The following DNHD1 variants were observed in gnomAD, a reference collection of about 807,000 sequenced individuals.
The protein encoded by DNHD1 is dynein heavy chain domain-containing protein 1.
In DNHD1, 383 loss-of-function variants were observed where a neutral mutation model predicts 458.1. The observed-to-expected ratio is 0.84, with a 90% CI of 0.77 to 0.91. The LOEUF is 0.91. DNHD1 is among the 40% of genes least tolerant of loss of function. The probability of loss-of-function intolerance (pLI) is 0.00; values close to 1 mark genes in which losing one functional copy is unlikely to be tolerated. For missense variants in DNHD1, 5,336 were observed against 5,866.1 expected, an observed-to-expected ratio of 0.91 and a Z score of 2.95; for synonymous variants, 2,203 against 2,376.9, an observed-to-expected ratio of 0.93 and a Z score of 2.13.
intron 10 of DNHD1, among the ~76,000 whole-genome samples, chr11:6,521,884 T>C (rs991868776): frequency 6.6e-6 from 1 of 152,128 alleles, no homozygotes; most frequent in Non-Finnish European, 1.5e-5. Context: ...GCCTGGCTAA[T>C]TTTTAAATTT....
chr11:6,567,485 G>A lies in DNHD1; in HGVS notation c.11976G>A (p.Met3992Ile), dbSNP rs909379888. 1 of 1,613,364 alleles carries A rather than the reference G, an allele frequency of 6.2e-7. No individual in the cohort carries two copies. The highest frequency in any genetic ancestry group is 8.5e-7 in the Non-Finnish European group (1 of 1,179,680). ...CAAAAGCCTGGCATGAATGTGAGAT[G>A]TTAGAGCTGCTGCCCCCATTTGTTG... ...LGPKAWHECE[M>I]LELLPPFVGL... The change falls in exon 36 of 43, where the codon ATG (methionine) becomes ATA (isoleucine). Residue 3992 changes from methionine to isoleucine, a missense_variant. By Grantham distance (10) the Met-to-Ile change is conservative. This residue lies in a region of DNHD1 where 695 missense variants were observed against 804.2 expected (regional missense o/e 0.86). Coordinates refer to ENST00000254579, the MANE Select transcript of DNHD1 (RefSeq NM_144666.3).
At position 6,567,511 on chromosome 11, in the gene DNHD1, G is replaced by T. The variant is rs759679075; in HGVS notation, c.12002G>T (p.Gly4001Val). 9 of 1,613,520 alleles carry T rather than the reference G, an allele frequency of 5.6e-6. No individual in the cohort carries two copies. In the South Asian group the frequency reaches 9.9e-5, roughly 18 times the overall value. The change falls in exon 36 of 43, where the codon GGC becomes GTC. Residue 4001 changes from glycine to valine, a missense_variant. Around this residue, in one of 4 missense-constraint regions of DNHD1, gnomAD observed 695 missense variants for 804.2 expected, o/e 0.86. Coordinates refer to ENST00000254579, the MANE Select transcript of DNHD1 (RefSeq NM_144666.3). Reference protein sequence around the residue: ...EMLELLPPFVGLCASLAGHSS... With the variant: ...EMLELLPPFVVLCASLAGHSS... ...TTAGAGCTGCTGCCCCCATTTGTTGGCCTGTGTGCCTCCCTGGCAGGCCAC... is the reference window on the plus strand; with the variant it reads ...TTAGAGCTGCTGCCCCCATTTGTTGTCCTGTGTGCCTCCCTGGCAGGCCAC...
In DNHD1 at chr11:6,523,329, A is replaced by G. The variant is rs145526265; in HGVS notation, c.1837+3040A>G. 8.8e-3 allele frequency among the ~76,000 whole-genome samples: 1,340 copies of G among 152,310 alleles called. 18 individuals are homozygous for G. The highest frequency in any genetic ancestry group is 0.03 in the African/African-American group (1,261 of 41,558). On this transcript the variant is annotated intron_variant, in intron 10 of 42. Coordinates refer to ENST00000254579, the MANE Select transcript of DNHD1 (RefSeq NM_144666.3). ...CTTTGGAGTATGAGGTATGAGCAGTAGGACTAGGAAGAGGAAGTATAGAGG... is the reference window on the plus strand; with the variant it reads ...CTTTGGAGTATGAGGTATGAGCAGTGGGACTAGGAAGAGGAAGTATAGAGG...
chr11:6,518,698 A>G (rs536000674), intron 7 of DNHD1, among the ~76,000 whole-genome samples: 5 of 152,332 alleles, frequency 3.3e-5, no homozygotes, highest in Non-Finnish European at 5.9e-5. Flanking sequence ...TGAAGTGGGA[A>G]GCACTGGGTA....
intron 10 of DNHD1, 72 bp downstream of exon 10, chr11:6,520,361 G>A: frequency 6.5e-7 from 1 of 1,550,338 alleles, no homozygotes; most frequent in South Asian, 1.2e-5. Flanking sequence ...AATGGCATGG[G>A]AAGAAGGCAG....
In DNHD1 at chr11:6,545,132, C is replaced by G; in HGVS notation, c.4193C>G (p.Ser1398Cys). 6.4e-7 allele frequency: 1 copy of G among 1,552,162 alleles called. No homozygotes were observed. ...CATGTGCATGCTGTGAGCTTCAGGT[C>G]TTGCCCAACTGGTGAGAAAAACACA... ...FPHVHAVSFR[S>C]CPTGEKNTDD... is the part of the protein sequence containing the mutation. The change falls in exon 21 of 43, where the codon TCT (serine) becomes TGT (cysteine). Residue 1398 changes from serine to cysteine, a missense_variant. Around this residue, in one of 4 missense-constraint regions of DNHD1, gnomAD observed 3,932 missense variants for 4,365.6 expected, o/e 0.90. Coordinates refer to ENST00000254579, the MANE Select transcript of DNHD1 (RefSeq NM_144666.3). This position sits in a 1 kb window ranked among gnomAD's most constrained non-coding sequence, Gnocchi z 4.9.
At chr11:6,509,593 A>G (rs2134376411) in intron 6 of DNHD1, among the ~76,000 whole-genome samples, 1 of 152,312 alleles carries the variant, frequency 6.6e-6, no homozygotes, top group South Asian at 2.1e-4. Flanking sequence ...AGGTAATTAT[A>G]TATCTTAAAC....
intron 7 of DNHD1, among the ~76,000 whole-genome samples, chr11:6,514,439 T>C (rs1300267890): frequency 1.3e-5 from 2 of 151,796 alleles, no homozygotes; most frequent in Non-Finnish European, 2.9e-5. Context: ...ACTTATTTTT[T>C]TTCTTTTCCC....
In DNHD1 at chr11:6,548,682, C is replaced by T; in HGVS notation, c.7136C>T (p.Ser2379Leu). Reference protein sequence around the residue: ...RLLYVVDLLLSGGQPVLLAGE... With the variant: ...RLLYVVDLLLLGGQPVLLAGE... ...TTGTATGTGGTGGACCTGCTTCTGT[C>T]AGGGGGACAGCCAGTGTTGCTGGCT... Residue 2379 changes from serine (S) to leucine (L), a missense_variant, in exon 24 of 43, where the codon TCA becomes TTA. Around this residue, in one of 4 missense-constraint regions of DNHD1, gnomAD observed 3,932 missense variants for 4,365.6 expected, o/e 0.90. Coordinates refer to ENST00000254579, the MANE Select transcript of DNHD1 (RefSeq NM_144666.3). This position sits in a 1 kb window ranked among gnomAD's most constrained non-coding sequence, Gnocchi z 4.4. 6.4e-7 allele frequency: 1 copy of T among 1,551,632 alleles called. No individual in the cohort carries two copies. The highest frequency in any genetic ancestry group is 8.7e-7 in the Non-Finnish European group (1 of 1,146,972).
In DNHD1 at chr11:6,572,007, T is replaced by C. The variant is rs76290146; in HGVS notation, c.*21T>C. The C allele has an allele frequency of 2.5e-6, 4 of 1,578,818 alleles. No individual in the cohort carries two copies. The South Asian group carries it at 3.5e-5, about 14-fold the overall frequency. ...CTTGAGCCCGTCTACCAAAATAAAG[T>C]TGTAGTGATTCCATGAAAGATTTCT... On this transcript the variant is annotated 3_prime_UTR_variant, in exon 43 of 43. Coordinates refer to ENST00000254579, the MANE Select transcript of DNHD1 (RefSeq NM_144666.3).
At chr11:6,553,516 C>A (rs1285476185) in intron 24 of DNHD1, among the ~76,000 whole-genome samples, 1 of 152,076 alleles carries the variant, frequency 6.6e-6, no homozygotes, top group Non-Finnish European at 1.5e-5. Flanking sequence ...GAAATAAAAG[C>A]TTTTAAAATT....
At chr11:6,539,485 G>A (rs926712934) in intron 17 of DNHD1, among the ~76,000 whole-genome samples, 172 bp downstream of exon 17, 2 of 152,220 alleles carry the variant, frequency 1.3e-5, no homozygotes, top group African/African-American at 4.8e-5. Flanking sequence ...TCTCTTGTGT[G>A]ATTCCAGACT....
intron 25 of DNHD1, 41 bp downstream of exon 25, chr11:6,558,338 A>G (rs1029905025): frequency 2.6e-6 from 4 of 1,539,160 alleles, no homozygotes; most frequent in Non-Finnish European, 3.5e-6. Flanking sequence ...CTCTGCTCTT[A>G]CGCTGTCTTG....
intron 6 of DNHD1, 117 bp downstream of exon 6, chr11:6,509,389 T>C (rs1377502674): frequency 1.2e-6 from 1 of 841,346 alleles, no homozygotes; most frequent in African/African-American, 1.7e-5. Flanking sequence ...AAAAAACCTT[T>C]AATCCTACCA....
At position 6,510,152 on chromosome 11, in the gene DNHD1, C is replaced by T. The variant is rs186962513; in HGVS notation, c.1235+880C>T. 6.7e-3 allele frequency among the ~76,000 whole-genome samples: 1,012 copies of T among 151,832 alleles called. 7 individuals carry two copies. The highest frequency in any genetic ancestry group is 0.02 in the Middle Eastern group (6 of 294). ...AGGCTGGAGTACAATGGCGCGATTTCGGCTCACTGCAACCTCCTCCTCCTG... is the reference window on the plus strand; with the variant it reads ...AGGCTGGAGTACAATGGCGCGATTTTGGCTCACTGCAACCTCCTCCTCCTG... On this transcript the variant is annotated intron_variant, in intron 6 of 42. Coordinates refer to ENST00000254579, the MANE Select transcript of DNHD1 (RefSeq NM_144666.3).
chr11:6,567,854 T>A lies in DNHD1; in HGVS notation c.12345T>A (p.Tyr4115Ter). Reference sequence around the variant, plus strand: ...TCATCCAGAAACTGGCTGCCAAGTATCAGCAGGTTTGAACCTAGTTTCTTG... The same window carrying A: ...TCATCCAGAAACTGGCTGCCAAGTAACAGCAGGTTTGAACCTAGTTTCTTG... The part of the protein sequence containing the change: ...LTVIQKLAAK[Y>*]QQGQKQLQVI... Residue 4115 changes from tyrosine to a stop codon, truncating the protein, a stop_gained, in exon 36 of 43, where the codon TAT (tyrosine) becomes TAA (stop). Coordinates refer to ENST00000254579, the MANE Select transcript of DNHD1 (RefSeq NM_144666.3). LOFTEE classifies it high-confidence loss of function. The A allele has an allele frequency of 6.2e-7, 1 of 1,610,646 alleles. No homozygotes were observed. Among genetic ancestry groups the A allele is most frequent in the Non-Finnish European group, 8.5e-7 (1 of 1,179,230 alleles).
rs913526335 is a variant in DNHD1 at position 6,557,176 on chromosome 11, A to G, written c.7881A>G (p.Ser2627=). The stretch of plus-strand genomic sequence containing the variant: ...ACCAGGAGCACTTGCGCCGGGTGTC[A>G]GGCCTGCGAGGCACTTGTCTGACCG... ...PNHQEHLRRV[S]GLRGTCLTVM... is the part of the protein sequence containing the mutation. Residue 2627 remains serine (S), a synonymous_variant, in exon 25 of 43, where the codon TCA becomes TCG. Transcript: ENST00000254579. 2.6e-6 allele frequency: 4 copies of G among 1,551,588 alleles called. No homozygotes were observed. Among genetic ancestry groups the G allele is most frequent in the African/African-American group, 2.7e-5 (2 of 73,050 alleles).
chr11:6,547,266 T>A lies in DNHD1; in HGVS notation c.6327T>A (p.Ser2109Arg). 1 of 1,551,752 alleles carries A rather than the reference T, an allele frequency of 6.4e-7. No individual in the cohort carries two copies. The highest frequency in any genetic ancestry group is 8.7e-7 in the Non-Finnish European group (1 of 1,146,940). ...TCLLSELPQL[S>R]LPSGQQIARP... ...TCCTGAGTGAGCTTCCCCAGCTTAG[T>A]CTCCCCAGTGGACAGCAGATAGCAC... Residue 2109 changes from serine (S) to arginine (R), a missense_variant, in exon 21 of 43, where the codon AGT becomes AGA. Physicochemically the swap from Ser to Arg is moderately radical, Grantham distance 110. Transcript: ENST00000254579.
At chr11:6,569,587 G>A (rs1853793318) in intron 39 of DNHD1, among the ~76,000 whole-genome samples, 1 of 152,098 alleles carries the variant, frequency 6.6e-6, no homozygotes, top group Admixed American at 6.6e-5. Flanking sequence ...TTTGTGTGTT[G>A]GAAGGATCAC....
Sources: gnomAD v4.1 joint callset for allele counts (sites outside exome capture counted in the v4.1 genomes callset) on GRCh38, gnomAD v4.1.1 for gene constraint, gnomAD v4.1.1 regional missense constraint, Gnocchi (gnomAD v3.1) non-coding constraint, MANE v1.5 for transcripts, NCBI Gene and HGNC (gene_info 2026-07-23, HGNC 2026-07-21) for gene names.